The following ELMO1 variants were observed in gnomAD, a reference collection of about 807,000 sequenced individuals.
ELMO1 encodes the protein engulfment and cell motility 1.
In ELMO1, 26 loss-of-function variants were observed where a neutral mutation model predicts 98.9. That is an observed-to-expected ratio of 0.26 (90% CI 0.19 to 0.36). ELMO1 has a LOEUF of 0.36. ELMO1 is among the 10% of genes least tolerant of loss of function. The pLI is 1.00. For missense variants in ELMO1, 627 were observed against 935.2 expected (o/e 0.67, Z 4.30); for synonymous variants, 346 against 346.0 (o/e 1.00, Z 0.00).
chr7:37,369,017 A>G (rs1310718363), intron 1 of ELMO1, among the ~76,000 whole-genome samples: 1 of 152,224 alleles, frequency 6.6e-6, no homozygotes, highest in African/African-American at 2.4e-5. Context: ...TTTACAAGAT[A>G]TTTCTGTATA....
chr7:36,919,853 C>T (rs1785005417), intron 16 of ELMO1, among the ~76,000 whole-genome samples: 1 of 152,202 alleles, frequency 6.6e-6, no homozygotes, highest in Admixed American at 6.5e-5. Context: ...CTAATCATTT[C>T]CATCTCCCTT....
At chr7:37,420,476 G>C (rs1317527961) in intron 1 of ELMO1, among the ~76,000 whole-genome samples, 1 of 152,158 alleles carries the variant, frequency 6.6e-6, no homozygotes, top group African/African-American at 2.4e-5. Context: ...AATGTGGATG[G>C]ATCCATCACT....
intron 16 of ELMO1, among the ~76,000 whole-genome samples, chr7:37,012,256 A>G (rs1297111020): frequency 6.6e-6 from 1 of 152,188 alleles, no homozygotes; most frequent in Non-Finnish European, 1.5e-5. Context: ...AGATGCCACA[A>G]ATGAGAAATA....
At chr7:37,205,408 A>G (rs912524195) in intron 13 of ELMO1, among the ~76,000 whole-genome samples, 1 of 152,166 alleles carries the variant, frequency 6.6e-6, no homozygotes, top group African/African-American at 2.4e-5. Context: ...TATGTTGTTG[A>G]TTTGTTAACA....
chr7:36,864,234 G>A (rs1323889474), intron 20 of ELMO1, among the ~76,000 whole-genome samples: 3 of 152,202 alleles, frequency 2.0e-5, no homozygotes, highest in East Asian at 1.9e-4. Flanking sequence ...TGTCAGCGTG[G>A]TTATTGCTGT....
rs892747097 is a variant in ELMO1 at position 37,315,819 on chromosome 7, G to A, written c.119+101C>T. 3.8e-6 allele frequency: 4 copies of A among 1,056,410 alleles called. No homozygotes were observed. In the Admixed American group the frequency reaches 9.1e-5, roughly 24 times the overall value. The allele number at this position is 1,056,410 out of a possible 1,614,324, so 65.4% of individuals were successfully genotyped here. A position where few individuals can be genotyped will look rare whatever the true frequency, so the allele number is the denominator to read the frequency against. ...CTTATTGACTTTGAGCAAGTCAGTG[G>A]GTGACTTATGAATAATATTTTACTA... On this transcript the variant is annotated intron_variant, in intron 3 of 21. Coordinates refer to ENST00000310758, the MANE Select transcript of ELMO1 (RefSeq NM_014800.11).
chr7:37,326,835 T>TTCTA (rs1799847301), intron 2 of ELMO1, among the ~76,000 whole-genome samples: 1 of 152,230 alleles, frequency 6.6e-6, no homozygotes, highest in African/African-American at 2.4e-5. Flanking sequence ...TCTAACATGC[T>TTCTA]TCTGCTCAGC....
chr7:37,364,733 T>A (rs1009471346), intron 1 of ELMO1, among the ~76,000 whole-genome samples: 1 of 152,236 alleles, frequency 6.6e-6, no homozygotes, highest in African/African-American at 2.4e-5. Context: ...CTTTTGTGGA[T>A]ATATCCTGTT....
chr7:36,938,767 T>A (rs1786765818), intron 16 of ELMO1, among the ~76,000 whole-genome samples: 1 of 152,206 alleles, frequency 6.6e-6, no homozygotes, highest in Admixed American at 6.5e-5. Context: ...TTCTCTATTT[T>A]AGTTGTCATC....
At chr7:36,872,756 C>G (rs985341203) in intron 19 of ELMO1, among the ~76,000 whole-genome samples, 1 of 152,208 alleles carries the variant, frequency 6.6e-6, no homozygotes, top group Admixed American at 6.5e-5. Flanking sequence ...CAATGGAAAA[C>G]CCACCATTGA....
intron 13 of ELMO1, among the ~76,000 whole-genome samples, chr7:37,196,724 T>A (rs1354478418): frequency 6.6e-6 from 1 of 152,242 alleles, no homozygotes; most frequent in African/African-American, 2.4e-5. Flanking sequence ...AGTCTGCATA[T>A]GTCTCCTTGT....
intron 18 of ELMO1, among the ~76,000 whole-genome samples, chr7:36,883,717 A>T (rs1378393524): frequency 2.6e-5 from 4 of 152,138 alleles, no homozygotes; most frequent in Non-Finnish European, 5.9e-5. Flanking sequence ...AGAAGCTGTG[A>T]TGCTTCCTGT....
At chr7:36,955,504 A>G (rs1436807480) in intron 16 of ELMO1, among the ~76,000 whole-genome samples, 1 of 152,252 alleles carries the variant, frequency 6.6e-6, no homozygotes, top group Non-Finnish European at 1.5e-5. Flanking sequence ...CCAATTCTGC[A>G]TTATTTCAGT....
At chr7:37,228,793 G>A (rs941665381) in intron 8 of ELMO1, among the ~76,000 whole-genome samples, 20 of 151,944 alleles carry the variant, frequency 1.3e-4, no homozygotes, top group Non-Finnish European at 2.8e-4. Flanking sequence ...ACGAGGTCAG[G>A]AGATCGGCTA....
At chr7:36,903,818 G>A (rs1445300627) in intron 16 of ELMO1, among the ~76,000 whole-genome samples, 1 of 152,198 alleles carries the variant, frequency 6.6e-6, no homozygotes, top group Non-Finnish European at 1.5e-5. Flanking sequence ...TGAGTCCTCC[G>A]CTTGTTACTG....
intron 13 of ELMO1, among the ~76,000 whole-genome samples, chr7:37,165,011 T>C (rs1789548841): frequency 1.3e-5 from 2 of 152,074 alleles, no homozygotes; most frequent in South Asian, 4.2e-4. Flanking sequence ...TTTTATTTCA[T>C]TGAGCAGTGC....
chr7:37,190,151 T>C (rs951425246), intron 13 of ELMO1, among the ~76,000 whole-genome samples: 1 of 151,800 alleles, frequency 6.6e-6, no homozygotes, highest in African/African-American at 2.4e-5. Flanking sequence ...TAAACCACAA[T>C]GCAAGTGATA....
intron 1 of ELMO1, among the ~76,000 whole-genome samples, chr7:37,392,190 G>GAAACA (rs1182286375): frequency 1.3e-5 from 2 of 151,998 alleles, no homozygotes; most frequent in Non-Finnish European, 2.9e-5. Flanking sequence ...TCCAGACTTC[G>GAAACA]AAACAAAACA....
chr7:37,166,729 A>C (rs1485030279), intron 13 of ELMO1, among the ~76,000 whole-genome samples: 1 of 152,086 alleles, frequency 6.6e-6, no homozygotes, highest in Non-Finnish European at 1.5e-5. Context: ...CTGCTCTTTT[A>C]CATTTGATGA....
Sources: allele counts gnomAD v4.1 joint callset (sites outside exome capture counted in the v4.1 genomes callset), GRCh38; gene constraint gnomAD v4.1.1; transcripts MANE v1.5; gene names NCBI Gene and HGNC (gene_info 2026-07-23, HGNC 2026-07-21).